NME9: variants seen among roughly 807,000 people sequenced by gnomAD.
The protein encoded by NME9 is NME/NM23 family member 9, also known as thioredoxin domain-containing protein 6.
NME9 carries 48 observed loss-of-function variants against 44.4 expected under a neutral mutation model. The observed-to-expected ratio is 1.08, with a 90% confidence interval of 0.86 to 1.37. The LOEUF (loss-of-function observed/expected upper bound fraction) is 1.37. NME9 is among the 40% of genes most tolerant of loss of function. The pLI, the probability that NME9 is intolerant of heterozygous loss-of-function variation, is 0.00. For synonymous variants in NME9, 139 were observed against 147.1 expected (o/e 0.94, Z 0.40); for missense variants, 325 against 405.2 (o/e 0.80, Z 1.70).
Position 138,329,695 on chromosome 3 carries a change from A to G in NME9, c.-360T>C. 1 of 1,115,026 alleles carries G rather than the reference A, an allele frequency of 9.0e-7. No homozygotes were observed. The highest frequency in any genetic ancestry group is 1.1e-6 in the Non-Finnish European group (1 of 911,354). 69.1% of individuals were successfully genotyped at this position (1,115,026 alleles called of 1,614,324 possible). Reference sequence around the variant, plus strand: ...CTGTCGGGCACAGGGTCGCCAGTCGAGGAATTCTGACAAAAAAACGACATG... The same window carrying G: ...CTGTCGGGCACAGGGTCGCCAGTCGGGGAATTCTGACAAAAAAACGACATG... On this transcript the variant is annotated 5_prime_UTR_variant, in exon 1 of 11. Coordinates refer to ENST00000333911, the MANE Select transcript of NME9 (RefSeq NM_001349018.2).
intron 2 of NME9, among the ~76,000 whole-genome samples, chr3:138,321,291 G>C (rs2053447483): frequency 6.6e-6 from 1 of 152,240 alleles, no homozygotes; most frequent in African/African-American, 2.4e-5. Flanking sequence ...AGGCTAGCAA[G>C]TCCAAGATCA....
chr3:138,314,763 G>C (rs180824123), intron 5 of NME9, among the ~76,000 whole-genome samples: 2 of 152,174 alleles, frequency 1.3e-5, no homozygotes, highest in African/African-American at 4.8e-5. Context: ...CTTGGAGGAG[G>C]CACATGAAAA....
intron 6 of NME9, among the ~76,000 whole-genome samples, chr3:138,309,817 C>T (rs548179064): frequency 2.5e-4 from 38 of 152,062 alleles, no homozygotes; most frequent in Middle Eastern, 6.8e-3. Context: ...CACCTGAGGT[C>T]GGGAGTTCCA....
intron 1 of NME9, among the ~76,000 whole-genome samples, chr3:138,325,948 A>C (rs558592192): frequency 1.3e-5 from 2 of 152,310 alleles, no homozygotes; most frequent in South Asian, 2.1e-4. Context: ...CCTTAGATAG[A>C]GTGCAAGTTT....
At chr3:138,265,219 C>T (rs1209698502) in intron 8 of NME9, among the ~76,000 whole-genome samples, 1 of 152,008 alleles carries the variant, frequency 6.6e-6, no homozygotes, top group Non-Finnish European at 1.5e-5. Context: ...TTTAACATAA[C>T]ATTTTTGGTG....
At position 138,273,795 on chromosome 3, in the gene NME9, C is replaced by T. The variant is rs375075342; in HGVS notation, c.746-11209G>A. Among the ~76,000 whole-genome samples, 5 of 151,998 alleles carry T rather than the reference C, an allele frequency of 3.3e-5. No individual in the cohort carries two copies. The South Asian group carries it at 1.0e-3, about 32-fold the overall frequency. ...TCCATGTCTCTGGCTTCCCCCATTA[C>T]CCCAGTCCATTTTTTATGCTTCCCC... On this transcript the variant is annotated intron_variant, in intron 8 of 8. Coordinates refer to the NME9 transcript ENST00000317876.
chr3:138,289,015 TTTTGA>T, intron 8 of NME9: 1 of 1,569,480 alleles, frequency 6.4e-7, no homozygotes, highest in Non-Finnish European at 8.7e-7. Context: ...ATTACCACCA[TTTTGA>T]TTTTTTTTTC....
intron 2 of NME9, among the ~76,000 whole-genome samples, chr3:138,320,921 A>G (rs2053427451): frequency 6.6e-6 from 1 of 152,358 alleles, no homozygotes; most frequent in African/African-American, 2.4e-5. Context: ...AGTAAGTATT[A>G]GAAGAGGGAG....
chr3:138,326,136 C>T (rs1173757513), intron 1 of NME9, among the ~76,000 whole-genome samples: 1 of 152,162 alleles, frequency 6.6e-6, no homozygotes, highest in Non-Finnish European at 1.5e-5. Context: ...TCAGTTGGGG[C>T]ATATCTGATG....
intron 8 of NME9, chr3:138,287,554 C>A (rs1329591681): frequency 2.2e-6 from 1 of 448,980 alleles, no homozygotes; most frequent in Non-Finnish European, 4.5e-6. Flanking sequence ...ATAGTATATA[C>A]AAGCTCATTT....
intron 8 of NME9, chr3:138,263,372 T>C (rs1054474677): frequency 9.0e-6 from 2 of 221,128 alleles, no homozygotes; most frequent in African/African-American, 2.3e-5. Flanking sequence ...GTGATTTCTT[T>C]AGAACCTCAC....
intron 6 of NME9, among the ~76,000 whole-genome samples, chr3:138,311,903 A>C (rs2052728289): frequency 6.6e-6 from 1 of 152,200 alleles, no homozygotes. Context: ...TGATAAACGA[A>C]ATCAGTGAAG....
At chr3:138,272,925 T>G (rs1193656477) in intron 8 of NME9, 51 of 1,399,704 alleles carry the variant, frequency 3.6e-5, no homozygotes, top group Non-Finnish European at 4.8e-5. Context: ...TTTAATAAAG[T>G]AAATGTAGAC....
At chr3:138,317,888 G>A (rs2053194599) in intron 4 of NME9, among the ~76,000 whole-genome samples, 1 of 152,158 alleles carries the variant, frequency 6.6e-6, no homozygotes, top group Non-Finnish European at 1.5e-5. Context: ...ACCTCCTTGG[G>A]CACAGGGCCC....
chr3:138,321,447 A>G (rs976933001), intron 2 of NME9, among the ~76,000 whole-genome samples: 4 of 152,338 alleles, frequency 2.6e-5, no homozygotes, highest in South Asian at 2.1e-4. Context: ...GCCACTCATG[A>G]AGGGCACTAC....
intron 1 of NME9, among the ~76,000 whole-genome samples, chr3:138,326,380 G>A (rs1214850227): frequency 1.3e-5 from 2 of 152,052 alleles, no homozygotes; most frequent in African/African-American, 4.8e-5. Context: ...TATTTTTGTG[G>A]TGAGCTACTT....
At chr3:138,310,371 G>A (rs1298690849) in intron 6 of NME9, among the ~76,000 whole-genome samples, 1 of 150,582 alleles carries the variant, frequency 6.6e-6, no homozygotes, top group Non-Finnish European at 1.5e-5. Flanking sequence ...GATCATTCAG[G>A]CAGAAGACAA....
intron 8 of NME9, chr3:138,263,665 A>C: frequency 8.1e-7 from 1 of 1,242,012 alleles, no homozygotes; most frequent in Non-Finnish European, 1.2e-6. Flanking sequence ...GGATGTTAAC[A>C]TACTTGCATT....
intron 8 of NME9, chr3:138,284,585 C>T: frequency 1.6e-6 from 2 of 1,264,714 alleles, no homozygotes; most frequent in South Asian, 2.4e-5. Context: ...GCATTTTTAA[C>T]TCAAAATAAA....
Sources: gnomAD v4.1 joint callset for allele counts (sites outside exome capture counted in the v4.1 genomes callset) on GRCh38, gnomAD v4.1.1 for gene constraint, MANE v1.5 for transcripts, NCBI Gene and HGNC (gene_info 2026-07-23, HGNC 2026-07-21) for gene names.